The following BPIFB3 variants were observed in gnomAD, a reference collection of about 807,000 sequenced individuals.
The protein encoded by BPIFB3 is BPI fold-containing family B member 3.
BPIFB3 carries 49 observed loss-of-function variants against 53.1 expected under a neutral mutation model. The observed-to-expected ratio is 0.92, with a 90% confidence interval of 0.73 to 1.17. BPIFB3 has a LOEUF of 1.17. Ranked by LOEUF, BPIFB3 falls within the 50% of genes most tolerant of loss-of-function variation. The pLI is 0.00. For missense variants in BPIFB3, 628 were observed against 592.5 expected (o/e 1.06, Z -0.62); for synonymous variants, 271 against 269.6 (o/e 1.01, Z -0.05).
intron 3 of BPIFB3, 140 bp downstream of exon 4, chr20:33,059,622 C>T (rs1400431750): frequency 2.5e-5 from 18 of 730,198 alleles, no homozygotes; most frequent in Non-Finnish European, 3.7e-5. Flanking sequence ...CCCCAAGGGA[C>T]TCCCAATCCT....
At chr20:33,062,270 T>C (rs1282615367) in intron 5 of BPIFB3, among the ~76,000 whole-genome samples, 1 of 152,218 alleles carries the variant, frequency 6.6e-6, no homozygotes, top group Non-Finnish European at 1.5e-5. Context: ...TGCCTGTCCA[T>C]GGCCTGCCCC....
chr20:33,071,126 A>G (rs1432577837), intron 11 of BPIFB3, 127 bp from the exon 13 acceptor site: 2 of 998,806 alleles, frequency 2.0e-6, no homozygotes, highest in Non-Finnish European at 1.4e-6. Flanking sequence ...TCAAGGCTGG[A>G]TAGAGGCAGA....
intron 2 of BPIFB3, among the ~76,000 whole-genome samples, chr20:33,058,568 ATATTAT>A (rs755283412): frequency 6.6e-6 from 1 of 151,858 alleles, no homozygotes; most frequent in Non-Finnish European, 1.5e-5. Flanking sequence ...TGTTGGATAG[ATATTAT>A]TATTATTATT....
At chr20:33,064,131 C>T (rs1447955901) in intron 6 of BPIFB3, among the ~76,000 whole-genome samples, 1 of 152,154 alleles carries the variant, frequency 6.6e-6, no homozygotes, top group Non-Finnish European at 1.5e-5. Context: ...AAAGGCACAA[C>T]CAGGAAAAGA....
At chr20:33,068,822 T>C in exon 10 of BPIFB3, 1 of 1,613,802 alleles carries the variant, frequency 6.2e-7, no homozygotes, top group Non-Finnish European at 8.5e-7. Flanking sequence ...AAGCTGCCCC[T>C]GCACCAGCAA....
chr20:33,073,519 A>C, intron 14 of BPIFB3, 57 bp from the exon 16 acceptor site: 1 of 1,601,274 alleles, frequency 6.2e-7, no homozygotes, highest in Non-Finnish European at 8.5e-7. Context: ...AGATGGCTGC[A>C]GGGATGGGGC....
chr20:33,060,528 G>A lies in BPIFB3; in HGVS notation c.527+497G>A, dbSNP rs141725417. 3.9e-4 allele frequency among the ~76,000 whole-genome samples: 59 copies of A among 152,158 alleles called. 1 individual carries two copies. Among genetic ancestry groups the A allele is most frequent in the African/African-American group, 1.4e-3 (58 of 41,530 alleles). On this transcript the variant is annotated intron_variant, in intron 4 of 14. Coordinates refer to ENST00000375494, the Ensembl canonical transcript of BPIFB3. ...GTCTCTTCCCAGGATCTGTCCAGGT[G>A]GCCCTCCCTACACCTTGTTGAATCA...
chr20:33,063,050 G>C (rs1235884643), intron 5 of BPIFB3, among the ~76,000 whole-genome samples: 1 of 152,222 alleles, frequency 6.6e-6, no homozygotes, highest in Non-Finnish European at 1.5e-5. Flanking sequence ...TGGGACTCAG[G>C]TTCTGTGATT....
upstream of BPIFB3, among the ~76,000 whole-genome samples, chr20:33,053,924 C>A (rs1336844814): frequency 6.6e-6 from 1 of 152,146 alleles, no homozygotes; most frequent in African/African-American, 2.4e-5. Flanking sequence ...GACAGGAGGC[C>A]GGGAGCCCCC....
rs1387217211 is a variant in BPIFB3, at chr20:33,072,714, C to A, written c.1325-3C>A. 1 of 1,611,674 alleles carries A rather than the reference C, an allele frequency of 6.2e-7. No homozygotes were observed. Among genetic ancestry groups the A allele is most frequent in the Admixed American group, 1.7e-5 (1 of 60,004 alleles). On this transcript the variant is annotated splice_region_variant and splice_polypyrimidine_tract_variant and intron_variant, in intron 13 of 14. Coordinates refer to ENST00000375494, the Ensembl canonical transcript of BPIFB3. ...TTTGTTTTCAACGATTCTCTTTTCACAGTGGCCCTGGATGTTGGAATTCCC... is the reference window on the plus strand; with the variant it reads ...TTTGTTTTCAACGATTCTCTTTTCAAAGTGGCCCTGGATGTTGGAATTCCC...
At position 33,060,052 on chromosome 20, in the gene BPIFB3, C is replaced by G. The variant is rs773191402; in HGVS notation, c.527+21C>G. 6.2e-6 allele frequency: 10 copies of G among 1,612,028 alleles called. 2 individuals carry two copies. Among genetic ancestry groups the G allele is most frequent in the Middle Eastern group, 3.3e-4 (2 of 6,072 alleles). On this transcript the variant is annotated intron_variant, in intron 4 of 14. Transcript: ENST00000375494. ...TCAGGGTGAGTCTGCAGGTTCCAGC[C>G]TGCAACCCTGACCCGCTCAGGATCA...
intron 12 of BPIFB3, among the ~76,000 whole-genome samples, 176 bp downstream of exon 13, chr20:33,071,471 G>A (rs148960975): frequency 6.6e-6 from 1 of 152,070 alleles, no homozygotes; most frequent in Admixed American, 6.5e-5. Context: ...GAGAGAGCAG[G>A]GGGTGTGGGC....
intron 8 of BPIFB3, 94 bp from the exon 10 acceptor site, chr20:33,066,730 G>A: frequency 8.4e-7 from 1 of 1,190,286 alleles, no homozygotes; most frequent in Non-Finnish European, 1.3e-6. Context: ...GGCAGGGTAG[G>A]GGGAAGAGTG....
intron 5 of BPIFB3, among the ~76,000 whole-genome samples, chr20:33,063,365 C>CT (rs771084338): frequency 2.6e-4 from 39 of 152,142 alleles, no homozygotes; most frequent in Non-Finnish European, 5.3e-4. Context: ...CCCCAGCCAC[C>CT]TTTAGGGGTT....
At position 33,062,426 on chromosome 20, in the gene BPIFB3, G is replaced by T. The variant is rs112283239; in HGVS notation, c.591+595G>T. 9.7e-4 allele frequency among the ~76,000 whole-genome samples: 147 copies of T among 152,254 alleles called. 1 individual carries two copies. The Middle Eastern group carries it at 0.017, about 18-fold the overall frequency. ...GCTGGCTCTCCCTGTGCATTCTTGC[G>T]AACGCTGCTGGGGGCAGCAGAAGAA... On this transcript the variant is annotated intron_variant, in intron 5 of 14. Coordinates refer to ENST00000375494, the Ensembl canonical transcript of BPIFB3.
chr20:33,058,181 G>A (rs1321236878), intron 2 of BPIFB3, among the ~76,000 whole-genome samples: 1 of 152,216 alleles, frequency 6.6e-6, no homozygotes, highest in Non-Finnish European at 1.5e-5. Flanking sequence ...CAAGGCTGAA[G>A]CCCAGTGTAT....
chr20:33,063,736 T>A (rs1188776636), intron 6 of BPIFB3, 61 bp downstream of exon 7: 1 of 1,549,092 alleles, frequency 6.5e-7, no homozygotes, highest in African/African-American at 1.4e-5. Context: ...ATGACCCCAA[T>A]GGGGTAGGGT....
chr20:33,059,359 T>G lies in BPIFB3; in HGVS notation c.282-19T>G. On this transcript the variant is annotated intron_variant, in intron 2 of 14. Transcript: ENST00000375494. Reference sequence around the variant, plus strand: ...GGATGTCTGGGAGTGAGCAACCCTCTCCCTGACTCCCATCCTAGTCTGAAG... The same window carrying G: ...GGATGTCTGGGAGTGAGCAACCCTCGCCCTGACTCCCATCCTAGTCTGAAG... 1 of 1,590,708 alleles carries G rather than the reference T, an allele frequency of 6.3e-7. No individual in the cohort carries two copies. The highest frequency in any genetic ancestry group is 8.6e-7 in the Non-Finnish European group (1 of 1,165,494).
intron 2 of BPIFB3, among the ~76,000 whole-genome samples, chr20:33,057,537 T>C (rs1265143233): frequency 6.6e-6 from 1 of 152,216 alleles, no homozygotes; most frequent in Non-Finnish European, 1.5e-5. Flanking sequence ...GTCTGAATGT[T>C]GGCCCCTCAC....
Sources: gnomAD v4.1 joint callset for allele counts (sites outside exome capture counted in the v4.1 genomes callset) on GRCh38, gnomAD v4.1.1 for gene constraint, MANE v1.5 for transcripts, NCBI Gene and HGNC (gene_info 2026-07-23, HGNC 2026-07-21) for gene names.